SYNE2: variants seen among roughly 807,000 people sequenced by gnomAD.
SYNE2 encodes spectrin repeat containing nuclear envelope protein 2.
Under a neutral mutation model 856.3 loss-of-function variants are expected in SYNE2, and 431 were observed. The ratio of observed to expected loss-of-function variants is 0.50; its 90% CI spans 0.47 to 0.55. SYNE2 has a LOEUF of 0.55. SYNE2 is among the 20% of genes least tolerant of loss of function. SYNE2 has a pLI of 0.00. For missense variants in SYNE2, 8,129 were observed against 8,023.2 expected, an observed-to-expected ratio of 1.01 and a Z score of -0.50; for synonymous variants, 2,923 against 2,872.3, an observed-to-expected ratio of 1.02 and a Z score of -0.56.
At chr14:63,803,904 C>T (rs190370366) in intron 1 of SYNE2, among the ~76,000 whole-genome samples, 2 of 152,286 alleles carry the variant, frequency 1.3e-5, no homozygotes, top group Admixed American at 6.5e-5. Flanking sequence ...GGAGGTCATT[C>T]GATCATCAGG....
chr14:64,204,967 C>T (rs937126521), intron 100 of SYNE2, among the ~76,000 whole-genome samples: 4 of 152,154 alleles, frequency 2.6e-5, no homozygotes, highest in Non-Finnish European at 4.4e-5. Flanking sequence ...GCTTGGCTCA[C>T]ATGCGCCTTC....
chr14:63,818,503 C>T (rs1268558474), intron 1 of SYNE2, among the ~76,000 whole-genome samples: 8 of 151,924 alleles, frequency 5.3e-5, no homozygotes, highest in East Asian at 1.9e-4. Flanking sequence ...GGCAACAGAA[C>T]GAGACCCTGT....
chr14:64,196,499 C>G (rs574101884), intron 99 of SYNE2, among the ~76,000 whole-genome samples: 45 of 152,236 alleles, frequency 3.0e-4, no homozygotes, highest in African/African-American at 1.1e-3. Flanking sequence ...AATGACCCTC[C>G]TAAACCAGGA....
At chr14:64,050,643 A>G (rs1340070551) in intron 47 of SYNE2, among the ~76,000 whole-genome samples, 2 of 152,202 alleles carry the variant, frequency 1.3e-5, no homozygotes, top group African/African-American at 4.8e-5. Context: ...TTTAAAATAT[A>G]TGCACTTCTT....
At chr14:63,929,181 A>G (rs1410153315) in intron 2 of SYNE2, among the ~76,000 whole-genome samples, 1 of 152,080 alleles carries the variant, frequency 6.6e-6, no homozygotes, top group Admixed American at 6.6e-5. Flanking sequence ...AGACCAAGCC[A>G]TGATTAGAAA....
At chr14:63,999,228 A>C (rs1200873922) in intron 27 of SYNE2, among the ~76,000 whole-genome samples, 188 bp downstream of exon 27, 1 of 152,202 alleles carries the variant, frequency 6.6e-6, no homozygotes, top group Middle Eastern at 3.2e-3. Context: ...TACCAACCCC[A>C]GGAAAGGCTT....
intron 57 of SYNE2, among the ~76,000 whole-genome samples, chr14:64,082,206 G>A (rs982287573): frequency 2.0e-5 from 3 of 152,104 alleles, no homozygotes; most frequent in Non-Finnish European, 4.4e-5. Flanking sequence ...ACTTGAATGT[G>A]GGCAGGAATA....
At chr14:64,210,854 C>A (rs1567655652) in intron 103 of SYNE2, among the ~76,000 whole-genome samples, 1 of 151,994 alleles carries the variant, frequency 6.6e-6, no homozygotes, top group Non-Finnish European at 1.5e-5. Flanking sequence ...TCTCTCTCCC[C>A]CTCCCTCCTT....
chr14:63,860,901 G>A (rs899033403), intron 1 of SYNE2, among the ~76,000 whole-genome samples: 1 of 152,158 alleles, frequency 6.6e-6, no homozygotes, highest in Non-Finnish European at 1.5e-5. Context: ...CATGAGCAGG[G>A]CAAAGCATGG....
At chr14:63,957,399 G>C (rs948847731) in intron 8 of SYNE2, among the ~76,000 whole-genome samples, 1 of 151,244 alleles carries the variant, frequency 6.6e-6, no homozygotes, top group Admixed American at 6.6e-5. Context: ...CTCCTGAGTA[G>C]CTGGGTCTAC....
At chr14:63,790,764 C>T (rs575198173) in intron 1 of SYNE2, among the ~76,000 whole-genome samples, 6 of 152,072 alleles carry the variant, frequency 3.9e-5, no homozygotes, top group Non-Finnish European at 7.4e-5. Context: ...AGAATTGCCA[C>T]AATTTTTCAA....
chr14:64,190,008 T>C, intron 98 of SYNE2, 63 bp from the exon 99 acceptor site: 1 of 1,571,316 alleles, frequency 6.4e-7, no homozygotes. Flanking sequence ...TCTATGTCTG[T>C]GGCTGGAGAA....
At chr14:64,206,099 T>C (rs767850732) in intron 100 of SYNE2, among the ~76,000 whole-genome samples, 19 of 152,236 alleles carry the variant, frequency 1.2e-4, no homozygotes, top group Non-Finnish European at 1.8e-4. Context: ...GGTTCCTTTT[T>C]ATTCTCATTC....
chr14:63,869,391 C>T (rs758075150), intron 1 of SYNE2, among the ~76,000 whole-genome samples: 2 of 151,872 alleles, frequency 1.3e-5, no homozygotes, highest in Non-Finnish European at 2.9e-5. Flanking sequence ...TTTGGGAGGC[C>T]GAGGTGGATC....
intron 1 of SYNE2, among the ~76,000 whole-genome samples, chr14:63,855,954 AAGTGACATTTAACTG>A (rs1566621267): frequency 6.6e-6 from 1 of 152,162 alleles, no homozygotes; most frequent in Non-Finnish European, 1.5e-5. Flanking sequence ...CTCTAGGTGG[AAGTGACATTTAACTG>A]AGACTTGAAG....
At chr14:63,765,616 C>A (rs1050179793) in intron 1 of SYNE2, among the ~76,000 whole-genome samples, 56 of 152,126 alleles carry the variant, frequency 3.7e-4, no homozygotes, top group African/African-American at 1.3e-3. Flanking sequence ...CTCGGCCTCC[C>A]AGAGTGCTGG....
At chr14:64,127,264 A>G (rs1375281151) in intron 73 of SYNE2, among the ~76,000 whole-genome samples, 1 of 152,018 alleles carries the variant, frequency 6.6e-6, no homozygotes, top group African/African-American at 2.4e-5. Flanking sequence ...CCATCTCAAA[A>G]AAAAAAAGGT....
chr14:63,948,156 G>GACACACAC (rs151256085), intron 6 of SYNE2, among the ~76,000 whole-genome samples: 101 of 124,408 alleles, frequency 8.1e-4, no homozygotes, highest in South Asian at 2.6e-3. Flanking sequence ...TACACACACA[G>GACACACAC]ACACACACAT....
Position 63,893,685 on chromosome 14 carries a change from G to C in SYNE2, c.-51-15413G>C, listed in dbSNP as rs374087103. On this transcript the variant is annotated intron_variant, in intron 1 of 115. Coordinates refer to ENST00000555002, the MANE Select transcript of SYNE2 (RefSeq NM_182914.3). ...GGCATACACTATGCTACATAATAAAGATAAAACAGCAAGCAAAACAGCCCT... is the reference window on the plus strand; with the variant it reads ...GGCATACACTATGCTACATAATAAACATAAAACAGCAAGCAAAACAGCCCT... 1.2e-4 allele frequency among the ~76,000 whole-genome samples: 19 copies of C among 152,274 alleles called. No homozygotes were observed. The East Asian group carries it at 2.7e-3, about 22-fold the overall frequency.
Sources: gnomAD v4.1 joint callset for allele counts (sites outside exome capture counted in the v4.1 genomes callset) on GRCh38, gnomAD v4.1.1 for gene constraint, MANE v1.5 for transcripts, NCBI Gene and HGNC (gene_info 2026-07-23, HGNC 2026-07-21) for gene names.